The following PIWIL3 variants were observed in gnomAD, a reference collection of about 807,000 sequenced individuals.
PIWIL3 encodes piwi-like protein 3.
Under a neutral mutation model 109.7 loss-of-function variants are expected in PIWIL3, and 101 were observed. That is an observed-to-expected ratio of 0.92 (90% CI 0.78 to 1.09). The LOEUF is 1.09. Ranked by LOEUF, PIWIL3 falls within the 50% of genes least tolerant of loss-of-function variation. The pLI, the probability that PIWIL3 is intolerant of heterozygous loss-of-function variation, is 0.00. For synonymous variants in PIWIL3, 373 were observed against 376.4 expected (o/e 0.99, Z 0.10); for missense variants, 1,031 against 1,072.6 (o/e 0.96, Z 0.54).
intron 11 of PIWIL3, 127 bp downstream of exon 11, chr22:24,749,277 A>G (rs1924559929): frequency 7.0e-6 from 10 of 1,425,000 alleles, no homozygotes; most frequent in Non-Finnish European, 9.4e-6. Flanking sequence ...GTTGTCCCCC[A>G]ACATCAAAAT....
intron 12 of PIWIL3, among the ~76,000 whole-genome samples, chr22:24,746,714 T>G (rs796950603): frequency 2.6e-4 from 39 of 150,852 alleles, no homozygotes; most frequent in African/African-American, 9.5e-4. Flanking sequence ...CATTTCTATA[T>G]GCTAACAGTG....
At chr22:24,754,916 C>T (rs1250698595) in intron 6 of PIWIL3, 52 bp from the exon 7 acceptor site, 2 of 1,492,186 alleles carry the variant, frequency 1.3e-6, no homozygotes, top group African/African-American at 1.4e-5. Flanking sequence ...CATTATTAAG[C>T]ATTTGGTAAG....
At chr22:24,743,140 GA>G (rs1219195719) in intron 12 of PIWIL3, among the ~76,000 whole-genome samples, 4 of 151,826 alleles carry the variant, frequency 2.6e-5, no homozygotes, top group African/African-American at 9.7e-5. Context: ...TAATGACCAG[GA>G]AAATGCAATA....
chr22:24,719,215 G>A lies in PIWIL3; in HGVS notation c.*257C>T, dbSNP rs774773360. The A allele has an allele frequency of 2.6e-4, 52 of 203,284 alleles. No individual in the cohort carries two copies. Among genetic ancestry groups the A allele is most frequent in the Non-Finnish European group, 4.2e-4 (43 of 101,406 alleles). The allele number at this position is 203,284 out of a possible 1,614,324, so 12.6% of individuals were successfully genotyped here. On this transcript the variant is annotated 3_prime_UTR_variant, in exon 21 of 21. Coordinates refer to ENST00000616349, the MANE Select transcript of PIWIL3 (RefSeq NM_001255975.1). ...CTTGGGGTGGAAAATGTTCAGTCAC[G>A]TTCAGCTGTGAGATCTCTGTCACAT...
At position 24,749,394 on chromosome 22, in the gene PIWIL3, C is replaced by T. The variant is rs1475689094; in HGVS notation, c.1334+10G>A. ...ATGTACACACACTCAGCCAGAAAAG[C>T]AGCACTTACTCTTGTAGAGTATTGA... On this transcript the variant is annotated intron_variant, in intron 11 of 20. Transcript: ENST00000616349. 6.2e-7 allele frequency: 1 copy of T among 1,613,344 alleles called. No individual in the cohort carries two copies. Among genetic ancestry groups the T allele is most frequent in the South Asian group, 1.1e-5 (1 of 91,028 alleles).
At position 24,759,980 on chromosome 22, in the gene PIWIL3, G is replaced by T. The variant is rs769585029; in HGVS notation, c.112C>A (p.Pro38Thr). 6.2e-7 allele frequency: 1 copy of T among 1,614,032 alleles called. No individual in the cohort carries two copies. The highest frequency in any genetic ancestry group is 1.6e-4 in the Middle Eastern group (1 of 6,062). Residue 38 changes from proline to threonine, a missense_variant, in exon 3 of 21, where the codon CCC becomes ACC. Transcript: ENST00000616349. ...CGGGGTGTCGACTGCAACTGAGGGGGCTCCTGGGTCTGCATGTTTTTGGAA... is the reference window on the plus strand; with the variant it reads ...CGGGGTGTCGACTGCAACTGAGGGGTCTCCTGGGTCTGCATGTTTTTGGAA... ...RAPGSATTQE[P>T]PQLQSTPRPL...
Position 24,734,083 on chromosome 22 carries a change from C to A in PIWIL3, c.1707+1G>T, listed in dbSNP as rs140574360. 7.0e-5 allele frequency: 112 copies of A among 1,609,046 alleles called. 1 individual carries two copies. The African/African-American group carries it at 1.3e-3, about 19-fold the overall frequency. On this transcript the variant is annotated splice_donor_variant, in intron 14 of 20. Transcript: ENST00000616349. LOFTEE classifies it high-confidence loss of function. ...TGTACATGTATCAACTAGACACTTA[C>A]CATCTGCAGTGTTGGTCTAGTATAT...
At chr22:24,735,927 T>C in intron 12 of PIWIL3, 35 bp from the exon 13 acceptor site, 1 of 1,499,136 alleles carries the variant, frequency 6.7e-7, no homozygotes, top group South Asian at 1.3e-5. Flanking sequence ...CATAAAACTT[T>C]ATTTTAAAGA....
chr22:24,760,368 T>C (rs999155968), intron 2 of PIWIL3, among the ~76,000 whole-genome samples: 2 of 152,124 alleles, frequency 1.3e-5, no homozygotes, highest in African/African-American at 2.4e-5. Flanking sequence ...AGCAGAGTTC[T>C]GCAGTTGGGA....
intron 8 of PIWIL3, among the ~76,000 whole-genome samples, chr22:24,751,838 G>A (rs529633057): frequency 1.3e-5 from 2 of 152,330 alleles, no homozygotes; most frequent in Admixed American, 1.3e-4. Context: ...CATGCAACGT[G>A]TGCTCTTTCC....
At chr22:24,725,561 T>A (rs760210884) in intron 16 of PIWIL3, 46 bp from the exon 17 acceptor site, 3 of 1,599,824 alleles carry the variant, frequency 1.9e-6, no homozygotes, top group Non-Finnish European at 8.6e-7. Flanking sequence ...ATTCTTAAAA[T>A]CTCATTTGAG....
At chr22:24,748,192 T>C (rs953028183) in intron 12 of PIWIL3, among the ~76,000 whole-genome samples, 9 of 152,170 alleles carry the variant, frequency 5.9e-5, no homozygotes, top group Admixed American at 2.6e-4. Context: ...AAAATGAGCT[T>C]TACATGTTCT....
chr22:24,757,843 GAAAAAAA>G (rs61691049), intron 4 of PIWIL3, 58 bp downstream of exon 4: 135 of 1,324,756 alleles, frequency 1.0e-4, no homozygotes, highest in Non-Finnish European at 1.3e-4. Flanking sequence ...GTCTCTCAAT[GAAAAAAA>G]AAAAAAAAAA....
rs1569100411 is a variant in PIWIL3 at position 24,735,820 on chromosome 22, G to A, written c.1522C>T (p.His508Tyr). 2 of 1,613,228 alleles carry A rather than the reference G, an allele frequency of 1.2e-6. No homozygotes were observed. Among genetic ancestry groups the A allele is most frequent in the Non-Finnish European group, 1.7e-6 (2 of 1,179,236 alleles). Residue 508 changes from histidine to tyrosine, a missense_variant, in exon 13 of 21, where the codon CAT (histidine) becomes TAT (tyrosine). Coordinates refer to ENST00000616349, the MANE Select transcript of PIWIL3 (RefSeq NM_001255975.1). Reference sequence around the variant, plus strand: ...CTGCTATAGAGTATGAGCCAACTATGTAGTGGCATTGCATTAAGTAAGGGT... The same window carrying A: ...CTGCTATAGAGTATGAGCCAACTATATAGTGGCATTGCATTAAGTAAGGGT... ...ELPLLNAMPL[H>Y]SWLILYSRSS... is the part of the protein sequence containing the mutation.
chr22:24,744,178 T>TTAAAAAAAA lies in PIWIL3; in HGVS notation c.1449+4728_1449+4729insTTTTTTTTA, dbSNP rs1924180538. On this transcript the variant is annotated intron_variant, in intron 12 of 20. Coordinates refer to ENST00000616349, the MANE Select transcript of PIWIL3 (RefSeq NM_001255975.1). Reference sequence around the variant, plus strand: ...ACTCTAATTGAAAGAGTGACCGAATTAAAAAAAAAAAAAAAAAAAAAAAAA... The same window carrying TTAAAAAAAA: ...ACTCTAATTGAAAGAGTGACCGAATTTAAAAAAAAAAAAAAAAAAAAAAAAAAAAAAAAA... 4.7e-3 allele frequency among the ~76,000 whole-genome samples: 163 copies of TTAAAAAAAA among 34,316 alleles called. 41 individuals are homozygous for TTAAAAAAAA. The highest frequency in any genetic ancestry group is 0.011 in the South Asian group (8 of 710). The allele number at this position is 34,316 out of a possible 152,430, so 22.5% of individuals were successfully genotyped here.
rs556487650 is a variant in PIWIL3, at chr22:24,767,010, G to A, written c.-22-4489C>T. On this transcript the variant is annotated intron_variant, in intron 1 of 20. Transcript: ENST00000616349. ...TTAACTAGGATGGTGGTGCACACCT[G>A]TAGTCCCTGGTGCTTGGGAGGTTGA... is the stretch of plus-strand genomic sequence containing the variant. Among the ~76,000 whole-genome samples, 16 of 151,890 alleles carry A rather than the reference G, an allele frequency of 1.1e-4. No homozygotes were observed. In the South Asian group the frequency reaches 3.1e-3, roughly 30 times the overall value.
chr22:24,768,953 C>T (rs1925961500), intron 1 of PIWIL3, among the ~76,000 whole-genome samples: 1 of 152,144 alleles, frequency 6.6e-6, no homozygotes, highest in East Asian at 1.9e-4. Context: ...CATTTTTGTT[C>T]CATGGGCTCA....
chr22:24,749,129 C>CATCTCAATGCTGCGGACA, intron 11 of PIWIL3, 108 bp from the exon 12 acceptor site: 1 of 934,132 alleles, frequency 1.1e-6, no homozygotes, highest in Non-Finnish European at 1.6e-6. Context: ...CACTTGTCCG[C>CATCTCAATGCTGCGGACA]AGCATTGAGA....
intron 11 of PIWIL3, 111 bp from the exon 12 acceptor site, chr22:24,749,132 C>T: frequency 1.1e-6 from 1 of 905,956 alleles, no homozygotes; most frequent in Non-Finnish European, 1.7e-6. Flanking sequence ...TTGTCCGCAG[C>T]ATTGAGATGC....
Sources: gnomAD v4.1 joint callset for allele counts (sites outside exome capture counted in the v4.1 genomes callset) on GRCh38, gnomAD v4.1.1 for gene constraint, MANE v1.5 for transcripts, NCBI Gene and HGNC (gene_info 2026-07-23, HGNC 2026-07-21) for gene names.